Variants in NPRL3 observed in about 807,000 individuals in gnomAD.
The protein encoded by NPRL3 is NPR3 like, GATOR1 complex subunit.
Under a neutral mutation model 57.2 loss-of-function variants are expected in NPRL3, and 23 were observed. That is an observed-to-expected ratio of 0.40 (90% CI 0.29 to 0.57). The LOEUF is 0.57. Ranked by LOEUF, NPRL3 falls within the 20% of genes least tolerant of loss-of-function variation. NPRL3 has a pLI of 0.42. For synonymous variants in NPRL3, 333 were observed against 321.1 expected, an observed-to-expected ratio of 1.04 and a Z score of -0.39; for missense variants, 691 against 767.1, an observed-to-expected ratio of 0.90 and a Z score of 1.17.
At chr16:107,624 AG>A (rs1204402581) in intron 7 of NPRL3, among the ~76,000 whole-genome samples, 1 of 151,908 alleles carries the variant, frequency 6.6e-6, no homozygotes, top group East Asian at 1.9e-4. Context: ...AAGAAGAAAA[AG>A]AAATATAAAG....
chr16:100,845 C>T lies in NPRL3; in HGVS notation c.630-336G>A, dbSNP rs1032427476. On this transcript the variant is annotated intron_variant, in intron 7 of 13. Coordinates refer to ENST00000611875, the MANE Select transcript of NPRL3 (RefSeq NM_001077350.3). ...AATTAGCCAGGTGTGGTGGCGGGCG[C>T]CTGTAGTCCCAGCTACTCGGGAGGC... Among the ~76,000 whole-genome samples, 79 of 150,348 alleles carry T rather than the reference C, an allele frequency of 5.3e-4. 1 individual carries two copies. Among genetic ancestry groups the T allele is most frequent in the African/African-American group, 1.9e-3 (76 of 40,862 alleles).
intron 5 of NPRL3, among the ~76,000 whole-genome samples, chr16:113,417 G>C (rs993442088): frequency 6.6e-6 from 1 of 152,196 alleles, no homozygotes; most frequent in Non-Finnish European, 1.5e-5. Context: ...CCATATCTCT[G>C]CCCAAGAGCT....
chr16:88,861 G>A lies in NPRL3; in HGVS notation c.1381C>T (p.Pro461Ser). The change falls in exon 13 of 14, where the codon CCC becomes TCC. Residue 461 changes from proline (P) to serine (S), a missense_variant. Coordinates refer to ENST00000611875, the MANE Select transcript of NPRL3 (RefSeq NM_001077350.3). ...TCTGCGCTGGAGTTGTCCATGCTGG[G>A]GCTGGTGAGGGTCATGTCATCGCTG... ...TSSDDMTLTS[P>S]SMDNSSAELL... is the part of the protein sequence containing the mutation. 1 of 1,613,488 alleles carries A rather than the reference G, an allele frequency of 6.2e-7. No homozygotes were observed. The highest frequency in any genetic ancestry group is 1.7e-5 in the Admixed American group (1 of 59,990).
intron 12 of NPRL3, chr16:89,208 C>G: frequency 2.7e-6 from 1 of 372,968 alleles, no homozygotes; most frequent in Middle Eastern, 7.3e-4. Flanking sequence ...ACAAAGCACC[C>G]TGGGCAGGTG....
At chr16:120,194 C>T (rs893074277) in intron 3 of NPRL3, among the ~76,000 whole-genome samples, 2 of 152,164 alleles carry the variant, frequency 1.3e-5, no homozygotes, top group Admixed American at 6.5e-5. Flanking sequence ...CATATCTCTC[C>T]ACCCAGGAAA....
chr16:131,882 CA>C (rs1900822994), intron 2 of NPRL3, among the ~76,000 whole-genome samples: 1 of 152,190 alleles, frequency 6.6e-6, no homozygotes, highest in Non-Finnish European at 1.5e-5. Context: ...GCAATGCTCT[CA>C]AACTGTACCA....
intron 3 of NPRL3, among the ~76,000 whole-genome samples, chr16:127,507 T>C (rs1422871537): frequency 6.6e-6 from 1 of 152,150 alleles, no homozygotes; most frequent in East Asian, 1.9e-4. Context: ...AGTGGTGGGA[T>C]TACAGGCATG....
At chr16:93,063 G>T in intron 10 of NPRL3, 156 bp downstream of exon 10, 1 of 647,736 alleles carries the variant, frequency 1.5e-6, no homozygotes, top group Non-Finnish European at 2.8e-6. Flanking sequence ...ACCTGGGTAT[G>T]CTAGTGGCCA....
intron 7 of NPRL3, among the ~76,000 whole-genome samples, chr16:107,333 C>G (rs573193557): frequency 3.8e-4 from 57 of 150,836 alleles, no homozygotes; most frequent in African/African-American, 1.1e-3. Flanking sequence ...AAATCATAGT[C>G]CATTCTTCCT....
intron 5 of NPRL3, among the ~76,000 whole-genome samples, chr16:113,738 C>A (rs751064885): frequency 6.6e-6 from 1 of 152,228 alleles, no homozygotes; most frequent in Non-Finnish European, 1.5e-5. Context: ...CTGCCTCCCC[C>A]TCCTGTTTAT....
At chr16:99,789 C>G (rs1899189155) in intron 8 of NPRL3, among the ~76,000 whole-genome samples, 1 of 151,418 alleles carries the variant, frequency 6.6e-6, no homozygotes, top group Admixed American at 6.6e-5. Context: ...AAAAATTAGC[C>G]AGGCATGGCA....
chr16:129,096 C>T (rs933824441), intron 3 of NPRL3, among the ~76,000 whole-genome samples: 1 of 152,178 alleles, frequency 6.6e-6, no homozygotes, highest in African/African-American at 2.4e-5. Flanking sequence ...AGAAAATATC[C>T]TCATGGTCAT....
At chr16:119,973 C>T (rs1900214972) in intron 3 of NPRL3, among the ~76,000 whole-genome samples, 1 of 152,146 alleles carries the variant, frequency 6.6e-6, no homozygotes, top group Non-Finnish European at 1.5e-5. Context: ...ATCCCTTTTC[C>T]CCTTTTCAAG....
chr16:131,462 C>T lies in NPRL3; in HGVS notation c.119-871G>A, dbSNP rs184760277. On this transcript the variant is annotated intron_variant, in intron 2 of 13. Coordinates refer to ENST00000611875, the MANE Select transcript of NPRL3 (RefSeq NM_001077350.3). ...CCACTGTACTCCAGCCTGGGAGACACGGCAAGACTCCGTCTCAAAAAAAAA... is the reference window on the plus strand; with the variant it reads ...CCACTGTACTCCAGCCTGGGAGACATGGCAAGACTCCGTCTCAAAAAAAAA... Among the ~76,000 whole-genome samples the T allele has an allele frequency of 4.8e-3, 490 of 101,944 alleles. 3 individuals carry two copies. Among genetic ancestry groups the T allele is most frequent in the African/African-American group, 0.025 (454 of 18,502 alleles). The allele number at this position is 101,944 out of a possible 152,430, so 66.9% of individuals were successfully genotyped here.
At chr16:113,100 C>A (rs1016191046) in intron 5 of NPRL3, among the ~76,000 whole-genome samples, 4 of 152,118 alleles carry the variant, frequency 2.6e-5, no homozygotes, top group African/African-American at 9.7e-5. Flanking sequence ...AACAATGGTG[C>A]CTCCCTCACC....
chr16:101,894 T>C (rs1229120305), intron 7 of NPRL3, among the ~76,000 whole-genome samples: 2 of 152,126 alleles, frequency 1.3e-5, no homozygotes, highest in African/African-American at 2.4e-5. Context: ...CCCAGCCCCA[T>C]TGACACTCCA....
chr16:85,993 C>T lies in NPRL3; in HGVS notation c.*712G>A. 1.9e-6 allele frequency: 1 copy of T among 522,892 alleles called. No homozygotes were observed. Among genetic ancestry groups the T allele is most frequent in the Non-Finnish European group, 3.0e-6 (1 of 329,270 alleles). The allele number at this position is 522,892 out of a possible 1,614,324, so 32.4% of individuals were successfully genotyped here. On this transcript the variant is annotated 3_prime_UTR_variant, in exon 14 of 14. Transcript: ENST00000611875. ...AATCATCAGTGTGGGAGCCGAAAGCCCCCGAGGGTGGGGTCCTGCACAGTG... is the reference window on the plus strand; with the variant it reads ...AATCATCAGTGTGGGAGCCGAAAGCTCCCGAGGGTGGGGTCCTGCACAGTG...
intron 5 of NPRL3, among the ~76,000 whole-genome samples, chr16:116,311 G>C (rs886975850): frequency 6.6e-6 from 1 of 152,122 alleles, no homozygotes; most frequent in African/African-American, 2.4e-5. Context: ...TTACTCCTTT[G>C]CTTGTTTTTT....
At chr16:138,033 C>A in intron 2 of NPRL3, 117 bp downstream of exon 2, 1 of 705,166 alleles carries the variant, frequency 1.4e-6, no homozygotes, top group Non-Finnish European at 2.4e-6. Context: ...TACTCTACAA[C>A]GAGCAGATCT....
Sources: gnomAD v4.1 joint callset for allele counts (sites outside exome capture counted in the v4.1 genomes callset) on GRCh38, gnomAD v4.1.1 for gene constraint, MANE v1.5 for transcripts, NCBI Gene and HGNC (gene_info 2026-07-23, HGNC 2026-07-21) for gene names.